Variants in KCNIP4 observed in about 807,000 individuals in gnomAD.
The protein encoded by KCNIP4 is potassium voltage-gated channel interacting protein 4.
A neutral mutation model predicts 34.0 loss-of-function variants in KCNIP4; 12 were observed. The ratio of observed to expected loss-of-function variants is 0.35; its 90% CI spans 0.23 to 0.57. KCNIP4 has a LOEUF of 0.57. Among genes scored for constraint, KCNIP4 ranks in the 20% least tolerant of loss-of-function variants. KCNIP4 has a pLI of 0.83. For missense variants in KCNIP4, 238 were observed against 311.7 expected (o/e 0.76, Z 1.78); for synonymous variants, 124 against 102.2 (o/e 1.21, Z -1.29).
chr4:21,824,438 A>G (rs1722552844), intron 1 of KCNIP4, among the ~76,000 whole-genome samples: 1 of 152,122 alleles, frequency 6.6e-6, no homozygotes, highest in Non-Finnish European at 1.5e-5. Flanking sequence ...TGCTCAAGGC[A>G]TTTTTCAGAA....
chr4:21,322,488 T>C (rs1714604382), intron 1 of KCNIP4, among the ~76,000 whole-genome samples: 1 of 152,170 alleles, frequency 6.6e-6, no homozygotes, highest in African/African-American at 2.4e-5. Context: ...AACTGAATTA[T>C]AATACCATCC....
chr4:21,793,620 T>A (rs575436450), intron 1 of KCNIP4, among the ~76,000 whole-genome samples: 13 of 152,318 alleles, frequency 8.5e-5, no homozygotes, highest in Non-Finnish European at 1.8e-4. Context: ...TCTTATAATT[T>A]AAGAGACAGA....
chr4:20,852,507 A>G (rs1437019931), intron 2 of KCNIP4, among the ~76,000 whole-genome samples: 1 of 152,202 alleles, frequency 6.6e-6, no homozygotes, highest in African/African-American at 2.4e-5. Flanking sequence ...TGACACACCC[A>G]CAGCCAACAT....
At chr4:20,790,892 G>T (rs1474258862) in intron 3 of KCNIP4, among the ~76,000 whole-genome samples, 1 of 152,116 alleles carries the variant, frequency 6.6e-6, no homozygotes, top group Admixed American at 6.5e-5. Flanking sequence ...TAAGATAAAG[G>T]AAGAAAAGAG....
At chr4:21,018,525 A>AGG (rs1182582211) in intron 1 of KCNIP4, among the ~76,000 whole-genome samples, 1 of 152,102 alleles carries the variant, frequency 6.6e-6, no homozygotes, top group African/African-American at 2.4e-5. Context: ...GATGCGATGG[A>AGG]AGGCTTCTCT....
At chr4:21,098,671 C>T (rs1197106875) in intron 1 of KCNIP4, among the ~76,000 whole-genome samples, 1 of 152,132 alleles carries the variant, frequency 6.6e-6, no homozygotes, top group African/African-American at 2.4e-5. Context: ...TGCTTATGGA[C>T]AATACACCTG....
chr4:21,350,397 A>T (rs1717889305), intron 1 of KCNIP4, among the ~76,000 whole-genome samples: 1 of 152,140 alleles, frequency 6.6e-6, no homozygotes. Flanking sequence ...GACTGAATAT[A>T]CCCCAAGGAA....
chr4:21,922,110 C>T (rs138148733), intron 1 of KCNIP4, among the ~76,000 whole-genome samples: 1 of 152,286 alleles, frequency 6.6e-6, no homozygotes, highest in Non-Finnish European at 1.5e-5. Context: ...TGAGCAGTGT[C>T]TTCTCTCGGG....
chr4:21,008,514 C>CTTTTTG (rs1477655507), intron 1 of KCNIP4, among the ~76,000 whole-genome samples: 1 of 136,996 alleles, frequency 7.3e-6, no homozygotes, highest in Admixed American at 7.3e-5. Context: ...TGGGCATTTT[C>CTTTTTG]TTTTTGTTTT....
intron 1 of KCNIP4, among the ~76,000 whole-genome samples, chr4:21,601,941 T>C (rs1245016903): frequency 1.3e-5 from 2 of 152,180 alleles, no homozygotes; most frequent in Non-Finnish European, 2.9e-5. Flanking sequence ...GTTACTTTAC[T>C]GTGCTTTATT....
intron 1 of KCNIP4, among the ~76,000 whole-genome samples, chr4:21,753,243 T>A (rs1028429603): frequency 6.6e-6 from 1 of 152,144 alleles, no homozygotes; most frequent in Non-Finnish European, 1.5e-5. Flanking sequence ...AGAAAAAAAA[T>A]GTTCACTAAG....
intron 1 of KCNIP4, among the ~76,000 whole-genome samples, chr4:21,748,085 A>G (rs1716895169): frequency 6.6e-6 from 1 of 152,166 alleles, no homozygotes; most frequent in Non-Finnish European, 1.5e-5. Flanking sequence ...GAGAACTGTG[A>G]GAGCATAAAT....
chr4:21,407,306 T>G (rs1724076366), intron 1 of KCNIP4, among the ~76,000 whole-genome samples: 1 of 152,034 alleles, frequency 6.6e-6, no homozygotes, highest in South Asian at 2.1e-4. Flanking sequence ...AAATAAACCA[T>G]CCAGGTTAGC....
chr4:20,780,262 G>T (rs565100997), intron 3 of KCNIP4, among the ~76,000 whole-genome samples: 1 of 152,278 alleles, frequency 6.6e-6, no homozygotes, highest in Non-Finnish European at 1.5e-5. Context: ...AGGATGTCAG[G>T]AATTAAGTAG....
At chr4:20,827,658 T>A (rs528342196) in intron 3 of KCNIP4, among the ~76,000 whole-genome samples, 1 of 152,096 alleles carries the variant, frequency 6.6e-6, no homozygotes, top group South Asian at 2.1e-4. Context: ...AATGTGGAGA[T>A]TCATTGGTCA....
In KCNIP4 at chr4:20,993,027, C is replaced by CAAA. The variant is rs11416440; in HGVS notation, c.62-110321_62-110319dup. Among the ~76,000 whole-genome samples the CAAA allele has an allele frequency of 7.6e-3, 316 of 41,370 alleles. 5 individuals carry two copies. The highest frequency in any genetic ancestry group is 0.015 in the African/African-American group (171 of 11,128). 27.1% of individuals were successfully genotyped at this position (41,370 alleles called of 152,430 possible). A position where few individuals can be genotyped will look rare whatever the true frequency, so the allele number is the denominator to read the frequency against. ...CAGGCGACAGAGTGAGACTCCATCT[C>CAAA]AAAAAAAAAAAAAAAAAAAAAAAAG... On this transcript the variant is annotated intron_variant, in intron 1 of 8. Coordinates refer to ENST00000382152, the MANE Select transcript of KCNIP4 (RefSeq NM_025221.6).
At chr4:20,746,142 A>T (rs1249722652) in intron 5 of KCNIP4, among the ~76,000 whole-genome samples, 1 of 152,154 alleles carries the variant, frequency 6.6e-6, no homozygotes, top group Non-Finnish European at 1.5e-5. Flanking sequence ...GTCCATCAAT[A>T]ATACACTGGA....
chr4:21,938,084 T>C (rs1158735570), intron 1 of KCNIP4, among the ~76,000 whole-genome samples: 1 of 152,136 alleles, frequency 6.6e-6, no homozygotes, highest in African/African-American at 2.4e-5. Context: ...AGTACCATGT[T>C]CTCTTGGTCC....
intron 1 of KCNIP4, among the ~76,000 whole-genome samples, chr4:21,460,013 C>A (rs1729312750): frequency 6.6e-6 from 1 of 151,890 alleles, no homozygotes; most frequent in Non-Finnish European, 1.5e-5. Flanking sequence ...TGATATCACT[C>A]CTCTGGTCCA....
Sources: allele counts gnomAD v4.1 joint callset (sites outside exome capture counted in the v4.1 genomes callset), GRCh38; gene constraint gnomAD v4.1.1; transcripts MANE v1.5; gene names NCBI Gene and HGNC (gene_info 2026-07-23, HGNC 2026-07-21).